SH3BGRL: variants seen among roughly 807,000 people sequenced by gnomAD.
The protein encoded by SH3BGRL is adapter SH3BGRL.
SH3BGRL carries 7 observed loss-of-function variants against 9.8 expected under a neutral mutation model. The observed-to-expected ratio is 0.72, with a 90% CI of 0.41 to 1.35. The LOEUF (loss-of-function observed/expected upper bound fraction) is 1.35. Among genes scored for constraint, SH3BGRL ranks in the 40% most tolerant of loss-of-function variants. SH3BGRL has a pLI of 0.01. For synonymous variants in SH3BGRL, 36 were observed against 29.1 expected, an observed-to-expected ratio of 1.24 and a Z score of -0.76; for missense variants, 73 against 84.4, an observed-to-expected ratio of 0.86 and a Z score of 0.53.
chrX:81,285,938 AC>A (rs2075832758), intron 3 of SH3BGRL, among the ~76,000 whole-genome samples: 1 of 111,897 alleles, frequency 8.9e-6, no homozygotes, highest in South Asian at 3.7e-4. Flanking sequence ...TATCAAACAT[AC>A]TCTTTACATT....
intron 3 of SH3BGRL, among the ~76,000 whole-genome samples, chrX:81,287,873 A>G (rs914488932): frequency 4.6e-5 from 5 of 109,818 alleles, no homozygotes; most frequent in Non-Finnish European, 9.5e-5. Flanking sequence ...GAATAGTTCC[A>G]AAATCATTCT....
chrX:81,259,186 G>T (rs1761115850), intron 1 of SH3BGRL, among the ~76,000 whole-genome samples: 1 of 111,869 alleles, frequency 8.9e-6, no homozygotes, highest in African/African-American at 3.2e-5. Context: ...CTGTTTGAAG[G>T]TTTGTGTATT....
At chrX:81,242,314 A>G (rs914202206) in intron 1 of SH3BGRL, among the ~76,000 whole-genome samples, 2 of 112,200 alleles carry the variant, frequency 1.8e-5, no homozygotes, top group Non-Finnish European at 3.8e-5. Context: ...TACACTGGGG[A>G]AAAGAGAGTC....
chrX:81,265,432 TC>T (rs1307067219), intron 1 of SH3BGRL, among the ~76,000 whole-genome samples: 1 of 110,210 alleles, frequency 9.1e-6, no homozygotes, highest in Non-Finnish European at 1.9e-5. Context: ...ATTGTTCAAC[TC>T]CCGCTTATGA....
chrX:81,280,960 A>G (rs1165371571), intron 3 of SH3BGRL, among the ~76,000 whole-genome samples: 2 of 111,356 alleles, frequency 1.8e-5, no homozygotes, highest in Non-Finnish European at 3.8e-5. Context: ...AATGAAATAG[A>G]CAGTGTAAGG....
At chrX:81,215,700 C>G (rs1310183191) in intron 1 of SH3BGRL, among the ~76,000 whole-genome samples, 1 of 111,357 alleles carries the variant, frequency 9.0e-6, no homozygotes, top group Non-Finnish European at 1.9e-5. Context: ...TCTGCCTACC[C>G]TTTCCAGTCC....
intron 1 of SH3BGRL, among the ~76,000 whole-genome samples, chrX:81,247,338 C>A (rs1245559702): frequency 1.8e-5 from 2 of 111,736 alleles, no homozygotes; most frequent in African/African-American, 6.5e-5. Flanking sequence ...ACTTCCAGTA[C>A]TATGTTGAAA....
At chrX:81,294,757 A>T (rs1323664715) in intron 3 of SH3BGRL, among the ~76,000 whole-genome samples, 1 of 111,515 alleles carries the variant, frequency 9.0e-6, no homozygotes, top group East Asian at 2.9e-4. Flanking sequence ...AGCTGCAGAC[A>T]CTCAACACCA....
At chrX:81,223,307 G>A (rs1326320114) in intron 1 of SH3BGRL, among the ~76,000 whole-genome samples, 2 of 111,590 alleles carry the variant, frequency 1.8e-5, no homozygotes, top group Admixed American at 1.9e-4. Context: ...TATGGTTTTA[G>A]GTCTAACATT....
chrX:81,253,998 C>T lies in SH3BGRL; in HGVS notation c.46-22986C>T, dbSNP rs1245007122. Among the ~76,000 whole-genome samples, 4 of 111,532 alleles carry T rather than the reference C, an allele frequency of 3.6e-5. No homozygotes were observed. The East Asian group carries it at 1.1e-3, about 32-fold the overall frequency. On this transcript the variant is annotated intron_variant, in intron 1 of 3. Coordinates refer to ENST00000373212, the MANE Select transcript of SH3BGRL (RefSeq NM_003022.3). ...GCTGATACTCTGATTACTGCTGTAT[C>T]TGTGGCCCAGGGGTCTCGTGTTATC...
chrX:81,240,021 A>G (rs1332906885), intron 1 of SH3BGRL, among the ~76,000 whole-genome samples: 1 of 112,501 alleles, frequency 8.9e-6, no homozygotes, highest in Non-Finnish European at 1.9e-5. Context: ...TGCTAAGGGT[A>G]GTATTTCAAT....
intron 1 of SH3BGRL, among the ~76,000 whole-genome samples, chrX:81,274,186 A>G (rs2075789996): frequency 9.0e-6 from 1 of 111,683 alleles, no homozygotes; most frequent in Non-Finnish European, 1.9e-5. Context: ...CTGGCAATAT[A>G]TGGTTTTCAG....
At chrX:81,235,426 A>G (rs1372360908) in intron 1 of SH3BGRL, among the ~76,000 whole-genome samples, 1 of 110,697 alleles carries the variant, frequency 9.0e-6, no homozygotes, top group African/African-American at 3.3e-5. Flanking sequence ...GTAGTTGAGT[A>G]TCGGAAAAGT....
chrX:81,277,420 A>G (rs995801932), intron 2 of SH3BGRL, among the ~76,000 whole-genome samples: 1 of 112,511 alleles, frequency 8.9e-6, no homozygotes, highest in Non-Finnish European at 1.9e-5. Context: ...GTTGTGGCTT[A>G]TAAGATGACA....
chrX:81,279,142 C>T (rs2075807893), intron 3 of SH3BGRL, among the ~76,000 whole-genome samples: 1 of 112,179 alleles, frequency 8.9e-6, no homozygotes. Context: ...CCAATTCCCT[C>T]TCCTATTTTA....
At chrX:81,274,081 A>G (rs1373611437) in intron 1 of SH3BGRL, among the ~76,000 whole-genome samples, 1 of 111,935 alleles carries the variant, frequency 8.9e-6, no homozygotes, top group Non-Finnish European at 1.9e-5. Flanking sequence ...TGAAAAGGGT[A>G]TCAATAGCCT....
chrX:81,206,078 CT>C (rs1387282686), intron 1 of SH3BGRL, among the ~76,000 whole-genome samples: 3 of 110,997 alleles, frequency 2.7e-5, no homozygotes, highest in Non-Finnish European at 5.7e-5. Flanking sequence ...TTGTGGGTTT[CT>C]TTTTTGCTAC....
At chrX:81,237,621 A>G (rs2075652532) in intron 1 of SH3BGRL, among the ~76,000 whole-genome samples, 1 of 111,082 alleles carries the variant, frequency 9.0e-6, no homozygotes, top group Non-Finnish European at 1.9e-5. Context: ...AGAGGGTTAC[A>G]TTGCCCTGGG....
At chrX:81,250,649 T>C (rs1461823094) in intron 1 of SH3BGRL, among the ~76,000 whole-genome samples, 15 of 112,068 alleles carry the variant, frequency 1.3e-4, no homozygotes, top group Non-Finnish European at 3.8e-5. Context: ...CAACTTCAAC[T>C]ATTTTTTTTC....
Sources: allele counts gnomAD v4.1 joint callset (sites outside exome capture counted in the v4.1 genomes callset), GRCh38; gene constraint gnomAD v4.1.1; transcripts MANE v1.5; gene names NCBI Gene and HGNC (gene_info 2026-07-23, HGNC 2026-07-21).